Variants in PAPSS2 observed in about 807,000 individuals in gnomAD.
PAPSS2 encodes the protein 3'-phosphoadenosine 5'-phosphosulfate synthase 2, also known as bifunctional 3'-phosphoadenosine 5'-phosphosulfate synthase 2.
In PAPSS2, 61 loss-of-function variants were observed where a neutral mutation model predicts 66.5. That is an observed-to-expected ratio of 0.92 (90% CI 0.75 to 1.14). The LOEUF (loss-of-function observed/expected upper bound fraction) is 1.14. Ranked by LOEUF, PAPSS2 falls within the 50% of genes most tolerant of loss-of-function variation. PAPSS2 has a pLI of 0.00. For missense variants in PAPSS2, 708 were observed against 789.6 expected, an observed-to-expected ratio of 0.90 and a Z score of 1.24; for synonymous variants, 289 against 287.5, an observed-to-expected ratio of 1.01 and a Z score of -0.05.
rs144263932 is a variant in PAPSS2, at chr10:87,716,455, C to T, written c.865+612C>T. ...AAACATGTGTTATTGTGAAGACTTC[C>T]GGACCCTTCTGTGATCATTTCCTTC... On this transcript the variant is annotated intron_variant, in intron 7 of 12. Transcript: ENST00000456849. 1.3e-4 allele frequency among the ~76,000 whole-genome samples: 20 copies of T among 152,294 alleles called. No individual in the cohort carries two copies. In the East Asian group the frequency reaches 1.9e-3, roughly 15 times the overall value.
rs1269707000 is a variant in PAPSS2, at chr10:87,701,280, TTTTC to T, written c.28-7900_28-7897del. ...CTTTCTTCCTTTCTTCCTTTCTCTT[TTTTC>T]TTTCTTTCTTTCTTTTTTCCTTCCT... On this transcript the variant is annotated intron_variant, in intron 1 of 12. Transcript: ENST00000456849. Among the ~76,000 whole-genome samples, 31 of 150,548 alleles carry T rather than the reference TTTTC, an allele frequency of 2.1e-4. 1 individual carries two copies. The highest frequency in any genetic ancestry group is 4.2e-4 in the South Asian group (2 of 4,760).
intron 1 of PAPSS2, among the ~76,000 whole-genome samples, chr10:87,706,108 A>ATATATATATATGTGTGTGTG: frequency 5.8e-5 from 3 of 52,020 alleles, no homozygotes; most frequent in South Asian, 6.9e-4. Flanking sequence ...ATATATATAT[A>ATATATATATATGTGTGTGTG]TGTGTGTGTG....
intron 1 of PAPSS2, among the ~76,000 whole-genome samples, chr10:87,678,555 A>C (rs1486566665): frequency 6.6e-6 from 1 of 151,968 alleles, no homozygotes; most frequent in African/African-American, 2.4e-5. Flanking sequence ...CTGACAAGGG[A>C]CTAATATCCA....
intron 1 of PAPSS2, among the ~76,000 whole-genome samples, chr10:87,698,460 C>T (rs956017022): frequency 2.0e-5 from 3 of 152,064 alleles, no homozygotes. Context: ...TTTCTCAAAT[C>T]ATTTCTCTCA....
chr10:87,702,900 T>C (rs573466812), intron 1 of PAPSS2, among the ~76,000 whole-genome samples: 1 of 152,220 alleles, frequency 6.6e-6, no homozygotes, highest in South Asian at 2.1e-4. Context: ...AACCATCTAG[T>C]CTTTTCCCCA....
At position 87,715,198 on chromosome 10, in the gene PAPSS2, A is replaced by C. The variant is rs1391363003; in HGVS notation, c.753+100A>C. 4.1e-6 allele frequency: 3 copies of C among 739,852 alleles called. No homozygotes were observed. The African/African-American group carries it at 5.2e-5, about 13-fold the overall frequency. The allele number at this position is 739,852 out of a possible 1,614,324, so 45.8% of individuals were successfully genotyped here. The stretch of plus-strand genomic sequence containing the variant: ...AATAAGAAAAGTATAAATAAGGTGC[A>C]CATAATGTCCATAAATAAAACACTC... On this transcript the variant is annotated intron_variant, in intron 6 of 12. Coordinates refer to ENST00000456849, the MANE Select transcript of PAPSS2 (RefSeq NM_001015880.2).
intron 1 of PAPSS2, among the ~76,000 whole-genome samples, chr10:87,689,233 G>A (rs1276081066): frequency 7.1e-6 from 1 of 141,754 alleles, no homozygotes; most frequent in Non-Finnish European, 1.6e-5. Context: ...CTAGCTACTC[G>A]GGAGGCTGAG....
intron 1 of PAPSS2, among the ~76,000 whole-genome samples, chr10:87,677,884 G>A (rs1443606811): frequency 6.6e-6 from 1 of 152,096 alleles, no homozygotes; most frequent in Non-Finnish European, 1.5e-5. Flanking sequence ...TGTGATCACA[G>A]ATTTGAGAAT....
At position 87,746,374 on chromosome 10, in the gene PAPSS2, T is replaced by C. The variant is rs1175800857; in HGVS notation, c.*404T>C. ...AATGTCATTTATCAGTTGTAAAATATATCAGATTGTGTCCTCTTCTGTACA... is the reference window on the plus strand; with the variant it reads ...AATGTCATTTATCAGTTGTAAAATACATCAGATTGTGTCCTCTTCTGTACA... On this transcript the variant is annotated 3_prime_UTR_variant, in exon 13 of 13. Coordinates refer to ENST00000456849, the MANE Select transcript of PAPSS2 (RefSeq NM_001015880.2). The C allele has an allele frequency of 6.3e-6, 1 of 159,178 alleles. No individual in the cohort carries two copies. Among genetic ancestry groups the C allele is most frequent in the African/African-American group, 2.4e-5 (1 of 41,320 alleles). 9.9% of individuals were successfully genotyped at this position (159,178 alleles called of 1,614,324 possible).
At chr10:87,742,015 C>A (rs1462598681) in intron 10 of PAPSS2, among the ~76,000 whole-genome samples, 1 of 152,200 alleles carries the variant, frequency 6.6e-6, no homozygotes, top group African/African-American at 2.4e-5. Context: ...GCCTCAGCCT[C>A]CCAAAGTGCT....
intron 1 of PAPSS2, among the ~76,000 whole-genome samples, chr10:87,678,478 C>G (rs1852976645): frequency 6.6e-6 from 1 of 151,996 alleles, no homozygotes; most frequent in Non-Finnish European, 1.5e-5. Flanking sequence ...TTCTGCACAA[C>G]AAAGGAAACA....
intron 1 of PAPSS2, among the ~76,000 whole-genome samples, chr10:87,678,503 G>A (rs1056491269): frequency 6.6e-6 from 1 of 152,048 alleles, no homozygotes. Context: ...ACAGCATGAA[G>A]AGGCAACCTG....
At chr10:87,715,688 A>C (rs1853523669) in intron 6 of PAPSS2, 44 bp from the exon 7 acceptor site, 4 of 1,298,620 alleles carry the variant, frequency 3.1e-6, no homozygotes, top group Non-Finnish European at 4.5e-6. Flanking sequence ...ATGCCTGGAA[A>C]ACAGAACTTA....
At chr10:87,707,332 A>G (rs986121300) in intron 1 of PAPSS2, among the ~76,000 whole-genome samples, 5 of 152,174 alleles carry the variant, frequency 3.3e-5, no homozygotes, top group African/African-American at 9.7e-5. Context: ...CTAAGTCTTG[A>G]AGCCATTTTC....
At chr10:87,668,771 A>G (rs2131895076) in intron 1 of PAPSS2, among the ~76,000 whole-genome samples, 1 of 152,254 alleles carries the variant, frequency 6.6e-6, no homozygotes, top group African/African-American at 2.4e-5. Context: ...CAGTTGATAT[A>G]CAGCGTTAAG....
At chr10:87,685,563 G>T (rs1853077592) in intron 1 of PAPSS2, among the ~76,000 whole-genome samples, 1 of 152,036 alleles carries the variant, frequency 6.6e-6, no homozygotes, top group African/African-American at 2.4e-5. Context: ...TATACCTGCA[G>T]TCTCAGCTAC....
chr10:87,679,686 A>G (rs1852993718), intron 1 of PAPSS2, among the ~76,000 whole-genome samples: 1 of 152,190 alleles, frequency 6.6e-6, no homozygotes, highest in Non-Finnish European at 1.5e-5. Flanking sequence ...TAGGAGACAT[A>G]GGACTGTTTT....
intron 1 of PAPSS2, among the ~76,000 whole-genome samples, chr10:87,662,568 C>T (rs1319495479): frequency 6.7e-5 from 10 of 149,604 alleles, no homozygotes; most frequent in Admixed American, 2.0e-4. Flanking sequence ...ACCCCCACCC[C>T]CTATACACAC....
At chr10:87,691,488 T>TAA (rs372350541) in intron 1 of PAPSS2, among the ~76,000 whole-genome samples, 3 of 142,454 alleles carry the variant, frequency 2.1e-5, no homozygotes, top group South Asian at 2.3e-4. Flanking sequence ...TTGAGACACT[T>TAA]AAAAAAAAAA....
Sources: allele counts gnomAD v4.1 joint callset (sites outside exome capture counted in the v4.1 genomes callset), GRCh38; gene constraint gnomAD v4.1.1; transcripts MANE v1.5; gene names NCBI Gene and HGNC (gene_info 2026-07-23, HGNC 2026-07-21).